The following ZNF527 variants were observed in gnomAD, a reference collection of about 807,000 sequenced individuals.
ZNF527 encodes the protein zinc finger protein 527.
A neutral mutation model predicts 13.5 loss-of-function variants in ZNF527; 5 were observed. The ratio of observed to expected loss-of-function variants is 0.37; its 90% CI spans 0.19 to 0.78. ZNF527 has a LOEUF of 0.78. Ranked by LOEUF, ZNF527 falls within the 30% of genes least tolerant of loss-of-function variation. The pLI is 0.48. For missense variants in ZNF527, 628 were observed against 726.4 expected, an observed-to-expected ratio of 0.86 and a Z score of 1.56; for synonymous variants, 209 against 243.1, an observed-to-expected ratio of 0.86 and a Z score of 1.30.
intron 2 of ZNF527, among the ~76,000 whole-genome samples, chr19:37,376,121 A>G (rs2146806852): frequency 6.6e-6 from 1 of 152,296 alleles, no homozygotes; most frequent in South Asian, 2.1e-4. Context: ...GCCTGAGCCC[A>G]GGAGTTCAAG....
At chr19:37,377,790 C>T (rs1450885801) in intron 2 of ZNF527, among the ~76,000 whole-genome samples, 3 of 151,938 alleles carry the variant, frequency 2.0e-5, no homozygotes, top group Non-Finnish European at 4.4e-5. Flanking sequence ...AGGGAGGGAG[C>T]CAGGGGAATA....
rs1363735933 is a variant in ZNF527 at position 37,390,119 on chromosome 19, C to T, written c.*240C>T. On this transcript the variant is annotated 3_prime_UTR_variant, in exon 5 of 5. Transcript: ENST00000436120. ...TCTTGGCTCACTGCAGCCTCTGCCT[C>T]CTGGGTTCAAGCAATCCTCCTGCCT... 6 of 333,414 alleles carry T rather than the reference C, an allele frequency of 1.8e-5. No individual in the cohort carries two copies. Among genetic ancestry groups the T allele is most frequent in the Non-Finnish European group, 2.7e-5 (5 of 186,976 alleles). The allele number at this position is 333,414 out of a possible 1,614,324, so 20.7% of individuals were successfully genotyped here.
At chr19:37,379,069 G>A in intron 2 of ZNF527, 51 bp from the exon 3 acceptor site, 1 of 1,608,038 alleles carries the variant, frequency 6.2e-7, no homozygotes, top group South Asian at 1.1e-5. Flanking sequence ...TTTTTTGCTA[G>A]GACCATATAG....
At chr19:37,386,140 CTTTTTTTTT>C (rs1050024983) in intron 4 of ZNF527, among the ~76,000 whole-genome samples, 3 of 72,456 alleles carry the variant, frequency 4.1e-5, no homozygotes, top group African/African-American at 6.7e-5. Flanking sequence ...TCTTCTTTTC[CTTTTTTTTT>C]TTTTTTTTTT....
intron 2 of ZNF527, among the ~76,000 whole-genome samples, chr19:37,375,020 G>A (rs913458377): frequency 1.1e-4 from 16 of 152,144 alleles, no homozygotes; most frequent in African/African-American, 3.9e-4. Context: ...ATTCGTTGTG[G>A]CATGTGAGAG....
rs1022024971 is a variant in ZNF527 at position 37,372,467 on chromosome 19, C to CTTT, written c.-42+1262_-42+1264dup. On this transcript the variant is annotated intron_variant, in intron 1 of 4. Transcript: ENST00000436120. ...CCTTTCTTTTCTTTTCTTTTCTTTT[C>CTTT]TTTTTTTTTTTTTTTTTTTTTTTGA... 2.3e-3 allele frequency among the ~76,000 whole-genome samples: 150 copies of CTTT among 65,576 alleles called. 1 individual carries two copies. Among genetic ancestry groups the CTTT allele is most frequent in the Middle Eastern group, 0.015 (1 of 68 alleles). 43.0% of individuals were successfully genotyped at this position (65,576 alleles called of 152,430 possible).
At chr19:37,372,150 C>T (rs2040562682) in intron 1 of ZNF527, among the ~76,000 whole-genome samples, 2 of 151,998 alleles carry the variant, frequency 1.3e-5, no homozygotes, top group South Asian at 4.2e-4. Context: ...CAGGCGCGCA[C>T]CACCACGCCC....
Position 37,391,356 on chromosome 19 carries a change from G to C in ZNF527, c.*1477G>C, listed in dbSNP as rs905648716. The C allele has an allele frequency of 6.6e-6, 1 of 152,058 alleles. No homozygotes were observed. Among genetic ancestry groups the C allele is most frequent in the Non-Finnish European group, 1.5e-5 (1 of 68,062 alleles). 9.4% of individuals were successfully genotyped at this position (152,058 alleles called of 1,614,324 possible). On this transcript the variant is annotated 3_prime_UTR_variant, in exon 5 of 5. Transcript: ENST00000436120. ...AGGCCGAGGTGGGCAGATCACCTGAGGTCAGGAGTTCGAGACCAGCCTGAC... is the reference window on the plus strand; with the variant it reads ...AGGCCGAGGTGGGCAGATCACCTGACGTCAGGAGTTCGAGACCAGCCTGAC...
At position 37,389,118 on chromosome 19, in the gene ZNF527, C is replaced by A. The variant is rs1402025174; in HGVS notation, c.1069C>A (p.Pro357Thr). ...QHQRIHTGEK[P>T]FACNECGKAF... is the part of the protein sequence containing the mutation. Reference sequence around the variant, plus strand: ...TCAGAGGATCCACACTGGAGAGAAACCGTTTGCGTGCAATGAATGTGGGAA... The same window carrying A: ...TCAGAGGATCCACACTGGAGAGAAAACGTTTGCGTGCAATGAATGTGGGAA... Residue 357 changes from proline (P) to threonine (T), a missense_variant, in exon 5 of 5, where the codon CCG becomes ACG. Pro to Thr is a conservative substitution (Grantham distance 38). Around this residue, in one of 3 missense-constraint regions of ZNF527, gnomAD observed 592 missense variants for 678.0 expected, o/e 0.87. Coordinates refer to ENST00000436120, the MANE Select transcript of ZNF527 (RefSeq NM_032453.2). 1 of 1,614,054 alleles carries A rather than the reference C, an allele frequency of 6.2e-7. No individual in the cohort carries two copies. The highest frequency in any genetic ancestry group is 1.7e-5 in the Admixed American group (1 of 59,990).
Position 37,372,581 on chromosome 19 carries a change from T to A in ZNF527, c.-42+1355T>A, listed in dbSNP as rs2040568413. On this transcript the variant is annotated intron_variant, in intron 1 of 4. Coordinates refer to ENST00000436120, the MANE Select transcript of ZNF527 (RefSeq NM_032453.2). ...TCTACCTCCTGGGTTCAATCAAGCC[T>A]CCCACCTCAGCCTCCCAAGTAGCTG... 2.1e-5 allele frequency among the ~76,000 whole-genome samples: 3 copies of A among 141,214 alleles called. No individual in the cohort carries two copies. In the South Asian group the frequency reaches 7.4e-4, roughly 35 times the overall value. 92.6% of individuals were successfully genotyped at this position (141,214 alleles called of 152,430 possible). A position where few individuals can be genotyped will look rare whatever the true frequency, so the allele number is the denominator to read the frequency against.
intron 4 of ZNF527, chr19:37,385,329 G>A: frequency 2.5e-6 from 1 of 406,540 alleles, no homozygotes; most frequent in Non-Finnish European, 4.3e-6. Context: ...GTAGTGAGGA[G>A]GTCATGCTCC....
At chr19:37,380,099 C>T (rs2040640970) in intron 3 of ZNF527, 178 bp from the exon 4 acceptor site, 9 of 1,246,812 alleles carry the variant, frequency 7.2e-6, no homozygotes, top group Non-Finnish European at 9.4e-6. Flanking sequence ...ACGGCAGAAG[C>T]TTCATCCTCC....
intron 1 of ZNF527, 101 bp from the exon 2 acceptor site, chr19:37,374,057 C>T: frequency 2.6e-6 from 2 of 767,636 alleles, no homozygotes; most frequent in South Asian, 1.5e-5. Context: ...TGAGGCTGGC[C>T]CATGTAGGGA....
intron 1 of ZNF527, among the ~76,000 whole-genome samples, chr19:37,372,049 G>C (rs1003814917): frequency 6.6e-6 from 1 of 151,248 alleles, no homozygotes; most frequent in African/African-American, 2.4e-5. Context: ...GCCCAGGCTG[G>C]AGTGCAATGA....
intron 4 of ZNF527, among the ~76,000 whole-genome samples, chr19:37,384,246 A>T (rs2040679017): frequency 6.6e-6 from 1 of 152,156 alleles, no homozygotes; most frequent in African/African-American, 2.4e-5. Context: ...TGAACCTGGG[A>T]GGTGGAGGTC....
At chr19:37,374,317 A>C in intron 2 of ZNF527, 86 bp downstream of exon 2, 1 of 1,213,224 alleles carries the variant, frequency 8.2e-7, no homozygotes, top group Non-Finnish European at 1.2e-6. Flanking sequence ...CAAATAGCCC[A>C]ATGAGCACCC....
rs1411458268 is a variant in ZNF527 at position 37,389,456 on chromosome 19, C to T, written c.1407C>T (p.Pro469=). 2.5e-6 allele frequency: 4 copies of T among 1,613,862 alleles called. No individual in the cohort carries two copies. In the Admixed American group the frequency reaches 5.0e-5, roughly 20 times the overall value. ...AGAGAATTCATACCGGAGAAAAGCC[C>T]TATGAATGCATCAAATGTGGGAAGT... ...QHQRIHTGEK[P]YECIKCGKFF... is the part of the protein sequence containing the mutation. Residue 469 remains proline (P), a synonymous_variant, in exon 5 of 5, where the codon CCC becomes CCT. Transcript: ENST00000436120.
chr19:37,372,296 G>C (rs958915332), intron 1 of ZNF527, among the ~76,000 whole-genome samples: 2 of 151,882 alleles, frequency 1.3e-5, no homozygotes, highest in Admixed American at 6.6e-5. Flanking sequence ...GCTGCGCCCT[G>C]CTGCAGTTTT....
chr19:37,379,159 C>T lies in ZNF527; in HGVS notation c.73C>T (p.Gln25Ter). The T allele has an allele frequency of 6.2e-6, 10 of 1,613,914 alleles. No homozygotes were observed. Among genetic ancestry groups the T allele is most frequent in the Non-Finnish European group, 8.5e-6 (10 of 1,179,942 alleles). Residue 25 changes from glutamine (Q) to a stop codon, truncating the protein, a stop_gained, in exon 3 of 5, where the codon CAA becomes TAA. Transcript: ENST00000436120. LOFTEE classifies it high-confidence loss of function. ...CAGAGATGTGGCGCTAGACTTTTCC[C>T]AAGAAGAGTGGGAATGGCTGAAGCC... ...TFRDVALDFS[Q>*]EEWEWLKPSQ...
Sources: allele counts gnomAD v4.1 joint callset (sites outside exome capture counted in the v4.1 genomes callset), GRCh38; gene constraint gnomAD v4.1.1; regional missense constraint gnomAD v4.1.1; transcripts MANE v1.5; gene names NCBI Gene and HGNC (gene_info 2026-07-23, HGNC 2026-07-21).